Variants in SMYD3 observed in about 807,000 individuals in gnomAD.
SMYD3 encodes the protein histone-lysine N-methyltransferase SMYD3.
SMYD3 carries 36 observed loss-of-function variants against 57.7 expected under a neutral mutation model. That is an observed-to-expected ratio of 0.62 (90% CI 0.48 to 0.82). The LOEUF (loss-of-function observed/expected upper bound fraction) is 0.82, where lower values mean the gene tolerates loss of function less well. Among genes scored for constraint, SMYD3 ranks in the 40% least tolerant of loss-of-function variants. The pLI, the probability that SMYD3 is intolerant of heterozygous loss-of-function variation, is 0.00. For missense variants in SMYD3, 515 were observed against 538.8 expected (o/e 0.96, Z 0.44); for synonymous variants, 211 against 195.0 (o/e 1.08, Z -0.68).
At chr1:246,506,982 G>GCCCCCCCCCC in intron 1 of SMYD3, 72 bp downstream of exon 1, 1 of 648,612 alleles carries the variant, frequency 1.5e-6, no homozygotes, top group Non-Finnish European at 2.2e-6. Context: ...GCTGCCGGCC[G>GCCCCCCCCCC]CCCGACGCCC....
intron 1 of SMYD3, among the ~76,000 whole-genome samples, chr1:246,363,978 G>A (rs546239296): frequency 1.3e-5 from 2 of 152,302 alleles, no homozygotes; most frequent in East Asian, 1.9e-4. Context: ...GAGGCTTAGA[G>A]TCAGAGAAGT....
intron 5 of SMYD3, among the ~76,000 whole-genome samples, chr1:246,053,897 A>T (rs1347920554): frequency 6.6e-6 from 1 of 152,176 alleles, no homozygotes; most frequent in African/African-American, 2.4e-5. Flanking sequence ...AGAAGAAAAC[A>T]CAAACTATAA....
chr1:245,763,130 T>C (rs2045924623), intron 11 of SMYD3, among the ~76,000 whole-genome samples: 1 of 152,188 alleles, frequency 6.6e-6, no homozygotes, highest in Non-Finnish European at 1.5e-5. Flanking sequence ...AACAAGCTAT[T>C]CCAACCCTAA....
chr1:245,814,873 C>T (rs146137678), intron 10 of SMYD3, among the ~76,000 whole-genome samples: 310 of 140,350 alleles, frequency 2.2e-3, no homozygotes, highest in Non-Finnish European at 3.8e-3. Context: ...CACACACACA[C>T]GCACGCACAC....
At chr1:246,406,247 T>C (rs1156788932) in intron 1 of SMYD3, among the ~76,000 whole-genome samples, 1 of 152,202 alleles carries the variant, frequency 6.6e-6, no homozygotes, top group Non-Finnish European at 1.5e-5. Flanking sequence ...TAATAGTATC[T>C]ACCTCATAGA....
At chr1:245,857,055 C>A (rs1188715914) in intron 10 of SMYD3, among the ~76,000 whole-genome samples, 1 of 152,228 alleles carries the variant, frequency 6.6e-6, no homozygotes, top group Admixed American at 6.5e-5. Context: ...TCTGAGCAGG[C>A]ATTTCACTGC....
chr1:246,087,072 G>T (rs1035516836), intron 5 of SMYD3, among the ~76,000 whole-genome samples: 9 of 152,104 alleles, frequency 5.9e-5, no homozygotes, highest in African/African-American at 1.9e-4. Context: ...CATTTTTATG[G>T]CTGCATAGTA....
intron 8 of SMYD3, among the ~76,000 whole-genome samples, chr1:245,878,752 C>T (rs755361628): frequency 6.6e-6 from 1 of 152,204 alleles, no homozygotes; most frequent in Non-Finnish European, 1.5e-5. Flanking sequence ...ACTTTCACAG[C>T]CCCATTGCAT....
intron 5 of SMYD3, among the ~76,000 whole-genome samples, chr1:246,323,755 G>A (rs768609297): frequency 3.3e-5 from 5 of 152,012 alleles, no homozygotes; most frequent in Non-Finnish European, 5.9e-5. Flanking sequence ...AGAGTATTTT[G>A]TACACACTAG....
chr1:245,781,568 T>A (rs551613232), intron 10 of SMYD3, among the ~76,000 whole-genome samples: 119 of 152,304 alleles, frequency 7.8e-4, no homozygotes, highest in Non-Finnish European at 1.4e-3. Context: ...TTCCATCCTC[T>A]CTTATTAGCA....
chr1:246,023,980 A>G (rs2059526643), intron 5 of SMYD3, among the ~76,000 whole-genome samples: 1 of 152,100 alleles, frequency 6.6e-6, no homozygotes, highest in Non-Finnish European at 1.5e-5. Flanking sequence ...TTCTTTCAAA[A>G]TTATTATATG....
intron 5 of SMYD3, among the ~76,000 whole-genome samples, chr1:246,229,723 A>C (rs1323350019): frequency 6.6e-6 from 1 of 152,100 alleles, no homozygotes; most frequent in Non-Finnish European, 1.5e-5. Flanking sequence ...TTATATTGAC[A>C]CCAATCCCAC....
intron 10 of SMYD3, among the ~76,000 whole-genome samples, chr1:245,780,935 TAATAC>T (rs2046805976): frequency 6.6e-6 from 1 of 152,174 alleles, no homozygotes; most frequent in Admixed American, 6.5e-5. Flanking sequence ...AACAAAGTAC[TAATAC>T]ATGTTACAAC....
At chr1:246,494,303 A>G (rs2068323515) in intron 1 of SMYD3, among the ~76,000 whole-genome samples, 1 of 152,212 alleles carries the variant, frequency 6.6e-6, no homozygotes. Context: ...CACATTTCCC[A>G]ATTAGTTATT....
chr1:246,031,848 T>TTGAA, intron 5 of SMYD3, among the ~76,000 whole-genome samples: 1 of 152,062 alleles, frequency 6.6e-6, no homozygotes, highest in Non-Finnish European at 1.5e-5. Context: ...AGAGACTAAA[T>TTGAA]TGAAATCAGC....
At chr1:245,894,720 G>A (rs1371711103) in intron 8 of SMYD3, among the ~76,000 whole-genome samples, 1 of 152,212 alleles carries the variant, frequency 6.6e-6, no homozygotes, top group Non-Finnish European at 1.5e-5. Flanking sequence ...TGTGGACCAT[G>A]TGTTGGGCTG....
chr1:246,161,328 T>A (rs2062116484), intron 5 of SMYD3, among the ~76,000 whole-genome samples: 1 of 152,150 alleles, frequency 6.6e-6, no homozygotes, highest in African/African-American at 2.4e-5. Flanking sequence ...TGACTTACAG[T>A]TTTCTCTGTG....
intron 5 of SMYD3, among the ~76,000 whole-genome samples, chr1:246,306,272 A>T (rs2064977026): frequency 6.6e-6 from 1 of 151,802 alleles, no homozygotes; most frequent in African/African-American, 2.4e-5. Flanking sequence ...ACTCGAGCCC[A>T]GGAGGCAGAG....
intron 5 of SMYD3, among the ~76,000 whole-genome samples, chr1:246,134,007 A>G (rs1024227916): frequency 6.6e-6 from 1 of 152,166 alleles, no homozygotes; most frequent in East Asian, 1.9e-4. Context: ...TATCTGGACC[A>G]GAAGAACCTA....
Sources: gnomAD v4.1 joint callset for allele counts (sites outside exome capture counted in the v4.1 genomes callset) on GRCh38, gnomAD v4.1.1 for gene constraint, MANE v1.5 for transcripts, NCBI Gene and HGNC (gene_info 2026-07-23, HGNC 2026-07-21) for gene names.